Variants in GPHN observed in about 807,000 individuals in gnomAD.
The protein encoded by GPHN is gephyrin.
GPHN carries 17 observed loss-of-function variants against 95.5 expected under a neutral mutation model. The observed-to-expected ratio is 0.18, with a 90% CI of 0.12 to 0.27. GPHN has a LOEUF of 0.27. Among genes scored for constraint, GPHN ranks in the 10% least tolerant of loss-of-function variants. The pLI is 1.00. For synonymous variants in GPHN, 320 were observed against 322.5 expected (o/e 0.99, Z 0.08); for missense variants, 660 against 978.1 (o/e 0.67, Z 4.34).
chr14:67,574,480 G>A, the GPHN span: 1 of 1,238,368 alleles, frequency 8.1e-7, no homozygotes, highest in Non-Finnish European at 1.1e-6. This position sits in a 1 kb window ranked among gnomAD's most constrained non-coding sequence, Gnocchi z 4.2. Flanking sequence ...TGCCGAGGGT[G>A]GTGGGTTCCC....
the GPHN span, chr14:67,676,804 G>A: frequency 6.6e-6 from 1 of 152,110 alleles, no homozygotes; most frequent in Admixed American, 6.5e-5. Flanking sequence ...TTCTTCTTTT[G>A]ACTGTAATCA....
chr14:67,478,855 C>T, the GPHN span, among the ~76,000 whole-genome samples: 3 of 152,216 alleles, frequency 2.0e-5, no homozygotes, highest in Non-Finnish European at 4.4e-5. Context: ...CTGGATTCAT[C>T]TGAACGCCAG....
At chr14:67,029,891 C>T (rs1204696320) in intron 10 of GPHN, among the ~76,000 whole-genome samples, 1 of 152,050 alleles carries the variant, frequency 6.6e-6, no homozygotes, top group Non-Finnish European at 1.5e-5. Context: ...ATAAATCACT[C>T]CCTCCTTAAT....
the GPHN span, among the ~76,000 whole-genome samples, chr14:67,503,188 C>A: frequency 6.6e-6 from 1 of 152,126 alleles, no homozygotes; most frequent in Non-Finnish European, 1.5e-5. Context: ...GACAAAATGA[C>A]AAGAGGAGTT....
the GPHN span, among the ~76,000 whole-genome samples, chr14:67,465,430 C>T: frequency 2.3e-5 from 3 of 128,662 alleles, no homozygotes; most frequent in Non-Finnish European, 5.6e-5. Context: ...TTGTAAGCCT[C>T]GCTAAGGTGT....
At chr14:67,374,629 A>G in the GPHN span, 41 of 873,986 alleles carry the variant, frequency 4.7e-5, no homozygotes, top group African/African-American at 5.9e-4. Flanking sequence ...TACTGCTACT[A>G]CCTTAAAGTA....
At chr14:67,408,104 C>T in the GPHN span, among the ~76,000 whole-genome samples, 15 of 151,886 alleles carry the variant, frequency 9.9e-5, no homozygotes, top group African/African-American at 2.9e-4. Flanking sequence ...CTGACCAACA[C>T]GGAGAAACCA....
the GPHN span, chr14:67,648,875 A>G: frequency 6.6e-6 from 1 of 152,246 alleles, no homozygotes; most frequent in Admixed American, 6.5e-5. Flanking sequence ...CTGCTTCAGT[A>G]ACCATCTGAT....
intron 10 of GPHN, among the ~76,000 whole-genome samples, chr14:67,034,915 T>C (rs1165599943): frequency 6.6e-6 from 1 of 152,086 alleles, no homozygotes; most frequent in Admixed American, 6.5e-5. Context: ...TGAACACTGT[T>C]GACCAATTAG....
At chr14:66,870,354 C>G (rs1268967739) in intron 4 of GPHN, among the ~76,000 whole-genome samples, 1 of 152,164 alleles carries the variant, frequency 6.6e-6, no homozygotes, top group Non-Finnish European at 1.5e-5. Context: ...GTTTGTGTCT[C>G]TATGCCCAAA....
chr14:67,115,437 T>G lies in GPHN; in HGVS notation c.1626+2266T>G, dbSNP rs2026652. Among the ~76,000 whole-genome samples the G allele has an allele frequency of 3.0e-3, 454 of 152,280 alleles. 3 individuals carry two copies. Among genetic ancestry groups the G allele is most frequent in the African/African-American group, 0.01 (436 of 41,566 alleles). ...AAGTATTGGTTTTAGTTTCCTTTGA[T>G]ACATATGGTTTCAGGCCGGGCATGG... On this transcript the variant is annotated intron_variant, in intron 16 of 22. Coordinates refer to ENST00000478722, the MANE Select transcript of GPHN (RefSeq NM_020806.5).
intron 10 of GPHN, among the ~76,000 whole-genome samples, chr14:67,029,600 G>A (rs1160551664): frequency 6.6e-6 from 1 of 152,124 alleles, no homozygotes; most frequent in Admixed American, 6.5e-5. Flanking sequence ...GCCCCCCAAA[G>A]TGCTGGGATT....
chr14:67,692,566 T>C, the GPHN span: 1 of 1,602,810 alleles, frequency 6.2e-7, no homozygotes, highest in East Asian at 2.2e-5. Context: ...CTTTTCCACA[T>C]CCCGGCAAGC....
chr14:67,344,337 G>A, the GPHN span, among the ~76,000 whole-genome samples: 9 of 152,046 alleles, frequency 5.9e-5, no homozygotes, highest in African/African-American at 2.2e-4. Flanking sequence ...CTCACATTTG[G>A]CTTTCAATAA....
intron 5 of GPHN, among the ~76,000 whole-genome samples, chr14:66,886,720 A>G (rs1442031128): frequency 6.6e-6 from 1 of 152,110 alleles, no homozygotes; most frequent in Admixed American, 6.6e-5. Flanking sequence ...AAGAAAACTG[A>G]ACAGAGCCTA....
At chr14:67,375,136 G>A in the GPHN span, among the ~76,000 whole-genome samples, 1 of 152,048 alleles carries the variant, frequency 6.6e-6, no homozygotes, top group Non-Finnish European at 1.5e-5. Context: ...ACAGTAAGCA[G>A]CAGCAAAGCA....
At chr14:67,109,331 A>T (rs946620265) in intron 13 of GPHN, among the ~76,000 whole-genome samples, 1 of 152,146 alleles carries the variant, frequency 6.6e-6, no homozygotes, top group African/African-American at 2.4e-5. Context: ...CATTTTCCAA[A>T]CTCCAGTCTA....
At chr14:66,805,036 G>A (rs764465285) in intron 3 of GPHN, among the ~76,000 whole-genome samples, 7 of 152,090 alleles carry the variant, frequency 4.6e-5, no homozygotes, top group Non-Finnish European at 7.3e-5. Flanking sequence ...TCTGTTTCAC[G>A]CTGCTGATAA....
At chr14:67,447,114 C>T in the GPHN span, 1 of 152,224 alleles carries the variant, frequency 6.6e-6, no homozygotes, top group Non-Finnish European at 1.5e-5. Context: ...TTATTTCTCA[C>T]AGTTCTGGAG....
Sources: allele counts gnomAD v4.1 joint callset (sites outside exome capture counted in the v4.1 genomes callset), GRCh38; gene constraint gnomAD v4.1.1; non-coding constraint Gnocchi (gnomAD v3.1); transcripts MANE v1.5; gene names NCBI Gene and HGNC (gene_info 2026-07-23, HGNC 2026-07-21).